Variants in RAPGEF6 observed in about 807,000 individuals in gnomAD.
RAPGEF6 encodes the protein PDZ domain containing guanine nucleotide exchange factor (GEF) 2.
A neutral mutation model predicts 171.4 loss-of-function variants in RAPGEF6; 56 were observed. The ratio of observed to expected loss-of-function variants is 0.33; its 90% CI spans 0.26 to 0.41. The LOEUF is 0.41. Ranked by LOEUF, RAPGEF6 falls within the 10% of genes least tolerant of loss-of-function variation. RAPGEF6 has a pLI of 1.00. For missense variants in RAPGEF6, 1,674 were observed against 1,921.4 expected (o/e 0.87, Z 2.41); for synonymous variants, 692 against 650.1 (o/e 1.06, Z -0.98).
chr5:131,483,510 C>A (rs1755643019), intron 15 of RAPGEF6, among the ~76,000 whole-genome samples: 1 of 151,784 alleles, frequency 6.6e-6, no homozygotes, highest in Admixed American at 6.6e-5. Flanking sequence ...CACATAACTA[C>A]AATGCTATTA....
chr5:131,543,258 C>T (rs895968351), intron 6 of RAPGEF6, among the ~76,000 whole-genome samples: 9 of 151,930 alleles, frequency 5.9e-5, no homozygotes, highest in Non-Finnish European at 7.4e-5. Flanking sequence ...GCAGGGCTAG[C>T]GATAGGGCAA....
chr5:131,532,238 T>C (rs1759437808), intron 6 of RAPGEF6: 1 of 387,518 alleles, frequency 2.6e-6, no homozygotes, highest in Middle Eastern at 3.6e-4. Flanking sequence ...AAGTTTCTTT[T>C]TACAAATCAT....
chr5:131,444,040 A>G (rs1752540548), intron 22 of RAPGEF6, among the ~76,000 whole-genome samples: 1 of 152,236 alleles, frequency 6.6e-6, no homozygotes, highest in Admixed American at 6.5e-5. Flanking sequence ...ATCAGGGAGT[A>G]CTTTTAATCC....
chr5:131,511,802 T>C (rs1207794206), intron 7 of RAPGEF6, among the ~76,000 whole-genome samples: 1 of 152,168 alleles, frequency 6.6e-6, no homozygotes, highest in Non-Finnish European at 1.5e-5. Flanking sequence ...GCCCAGCTGA[T>C]CTTCCTTCTT....
At position 131,603,459 on chromosome 5, in the gene RAPGEF6, A is replaced by C. The variant is rs565656386; in HGVS notation, c.141-132T>G. 4.1e-4 allele frequency: 250 copies of C among 604,004 alleles called. 4 individuals are homozygous for C. In the South Asian group the frequency reaches 5.9e-3, roughly 14 times the overall value. The allele number at this position is 604,004 out of a possible 1,614,324, so 37.4% of individuals were successfully genotyped here. A position where few individuals can be genotyped will look rare whatever the true frequency, so the allele number is the denominator to read the frequency against. On this transcript the variant is annotated intron_variant, in intron 2 of 27. Transcript: ENST00000509018. ...CAAATCTACCAGTATGTTGTCACTA[A>C]ACTACAGAGAGTTTAGAAATATATG...
chr5:131,543,598 AC>A lies in RAPGEF6; in HGVS notation c.495+4448del, dbSNP rs368646713. Among the ~76,000 whole-genome samples the A allele has an allele frequency of 1.1e-4, 17 of 152,318 alleles. No individual in the cohort carries two copies. The East Asian group carries it at 3.1e-3, about 28-fold the overall frequency. On this transcript the variant is annotated intron_variant, in intron 6 of 27. Coordinates refer to ENST00000509018, the MANE Select transcript of RAPGEF6 (RefSeq NM_016340.6). ...CACACACATTCTAAAAATTTCAACA[AC>A]CACCCCCTAAGACAGGCAAACCCGG...
At chr5:131,590,382 G>T (rs984129086) in intron 4 of RAPGEF6, among the ~76,000 whole-genome samples, 1 of 152,110 alleles carries the variant, frequency 6.6e-6, no homozygotes, top group Non-Finnish European at 1.5e-5. Flanking sequence ...GGGCAACAGC[G>T]ACTCTGTCTC....
At chr5:131,488,895 C>T (rs1225121182) in intron 15 of RAPGEF6, among the ~76,000 whole-genome samples, 1 of 152,044 alleles carries the variant, frequency 6.6e-6, no homozygotes, top group Non-Finnish European at 1.5e-5. Flanking sequence ...CCTAAAGTGT[C>T]TAAGGCAATC....
intron 6 of RAPGEF6, among the ~76,000 whole-genome samples, chr5:131,537,448 C>T (rs1759845358): frequency 1.3e-5 from 2 of 152,084 alleles, no homozygotes; most frequent in Admixed American, 6.6e-5. Context: ...ATTTTCATAC[C>T]TTTAACCCAG....
intron 21 of RAPGEF6, among the ~76,000 whole-genome samples, chr5:131,448,787 T>A (rs891551027): frequency 1.4e-4 from 21 of 152,162 alleles, no homozygotes; most frequent in Admixed American, 1.3e-3. Context: ...CATGTTAACA[T>A]AAGTCATTCA....
chr5:131,476,607 T>TGTGCCA (rs977957113), intron 16 of RAPGEF6, among the ~76,000 whole-genome samples: 1 of 152,126 alleles, frequency 6.6e-6, no homozygotes, highest in Non-Finnish European at 1.5e-5. Context: ...ATTACAGGCA[T>TGTGCCA]GTGCCACCAT....
chr5:131,587,949 A>G (rs1763354909), intron 4 of RAPGEF6, among the ~76,000 whole-genome samples: 2 of 151,850 alleles, frequency 1.3e-5, no homozygotes, highest in Admixed American at 6.6e-5. Context: ...TCTTAGGTCC[A>G]CAAGGTATTT....
chr5:131,619,234 T>C (rs1765461051), intron 1 of RAPGEF6, among the ~76,000 whole-genome samples: 1 of 152,156 alleles, frequency 6.6e-6, no homozygotes, highest in African/African-American at 2.4e-5. Flanking sequence ...AAACACTGCA[T>C]GTTCTCACTC....
rs1471998462 is a variant in RAPGEF6 at position 131,425,113 on chromosome 5, A to G, written c.*2153T>C. On this transcript the variant is annotated 3_prime_UTR_variant, in exon 28 of 28. Coordinates refer to ENST00000509018, the MANE Select transcript of RAPGEF6 (RefSeq NM_016340.6). ...ATGTGATCAGCTGATCTGAACACTC[A>G]CAGTTAAAGCTAGATAGATAAAACA... 2 of 152,336 alleles carry G rather than the reference A, an allele frequency of 1.3e-5. No individual in the cohort carries two copies. The highest frequency in any genetic ancestry group is 2.4e-5 in the African/African-American group (1 of 41,436). 9.4% of individuals were successfully genotyped at this position (152,336 alleles called of 1,614,324 possible).
chr5:131,446,447 C>T (rs746130847), intron 22 of RAPGEF6, 36 bp downstream of exon 22: 6 of 1,543,778 alleles, frequency 3.9e-6, no homozygotes, highest in Admixed American at 1.9e-5. Context: ...TTTTGTTGTG[C>T]TCTTTAGCGT....
At chr5:131,596,975 T>C (rs1449486022) in intron 3 of RAPGEF6, among the ~76,000 whole-genome samples, 7 of 152,068 alleles carry the variant, frequency 4.6e-5, no homozygotes, top group Non-Finnish European at 1.0e-4. Context: ...TAGGAGAGAA[T>C]TGCAAACTAT....
chr5:131,442,831 G>A (rs141250424), intron 22 of RAPGEF6, among the ~76,000 whole-genome samples: 19 of 152,010 alleles, frequency 1.2e-4, no homozygotes, highest in Admixed American at 2.0e-4. Context: ...TCTGTCGCCC[G>A]GGCTGAAGTG....
At chr5:131,495,074 C>A (rs1415442877) in intron 13 of RAPGEF6, among the ~76,000 whole-genome samples, 1 of 152,098 alleles carries the variant, frequency 6.6e-6, no homozygotes, top group East Asian at 1.9e-4. Flanking sequence ...GCGGGCGGAT[C>A]ACGAGGTCAG....
chr5:131,448,453 T>C (rs114891800), intron 21 of RAPGEF6, among the ~76,000 whole-genome samples: 1,884 of 152,290 alleles, frequency 0.012, 31 homozygotes, highest in African/African-American at 0.039. Context: ...CTGCAGTGAT[T>C]TTCCTTAGTA....
Sources: gnomAD v4.1 joint callset for allele counts (sites outside exome capture counted in the v4.1 genomes callset) on GRCh38, gnomAD v4.1.1 for gene constraint, MANE v1.5 for transcripts, NCBI Gene and HGNC (gene_info 2026-07-23, HGNC 2026-07-21) for gene names.